NTN1: variants seen among roughly 807,000 people sequenced by gnomAD.
NTN1 encodes the protein netrin 1, also known as netrin-1.
In NTN1, 11 loss-of-function variants were observed where a neutral mutation model predicts 54.2. The ratio of observed to expected loss-of-function variants is 0.20; its 90% CI spans 0.13 to 0.34. The LOEUF (loss-of-function observed/expected upper bound fraction) is 0.34. Ranked by LOEUF, NTN1 falls within the 10% of genes least tolerant of loss-of-function variation. The pLI, the probability that NTN1 is intolerant of heterozygous loss-of-function variation, is 1.00. For missense variants in NTN1, 740 were observed against 893.1 expected (o/e 0.83, Z 2.18); for synonymous variants, 371 against 382.0 (o/e 0.97, Z 0.33).
intron 5 of NTN1, among the ~76,000 whole-genome samples, chr17:9,213,783 A>T (rs1244268097): frequency 6.6e-6 from 1 of 152,192 alleles, no homozygotes; most frequent in Non-Finnish European, 1.5e-5. Context: ...CTCTGAAACC[A>T]TCTCTATCCA....
rs939987040 is a variant in NTN1 at position 9,221,657 on chromosome 17, C to T, written c.1486+415C>T. 2.0e-5 allele frequency among the ~76,000 whole-genome samples: 3 copies of T among 152,212 alleles called. No individual in the cohort carries two copies. Among genetic ancestry groups the T allele is most frequent in the Middle Eastern group, 3.2e-3 (1 of 316 alleles). Reference sequence around the variant, plus strand: ...CATCAGACAAGGGCTGGGAGCTCCCCGGTGCATTTCCAGTGTTCCGCCAGG... The same window carrying T: ...CATCAGACAAGGGCTGGGAGCTCCCTGGTGCATTTCCAGTGTTCCGCCAGG... On this transcript the variant is annotated intron_variant, in intron 6 of 6. Coordinates refer to ENST00000173229, the MANE Select transcript of NTN1 (RefSeq NM_004822.3). This position sits in a 1 kb window ranked among gnomAD's most constrained non-coding sequence, Gnocchi z 4.5.
intron 5 of NTN1, among the ~76,000 whole-genome samples, chr17:9,204,913 GTGC>G (rs1192888263): frequency 6.8e-6 from 1 of 148,136 alleles, no homozygotes; most frequent in African/African-American, 2.5e-5. Context: ...CTTTCCATCA[GTGC>G]TGTCAACCCT....
chr17:9,159,658 G>A (rs912380419), intron 2 of NTN1, among the ~76,000 whole-genome samples: 24 of 152,000 alleles, frequency 1.6e-4, no homozygotes, highest in African/African-American at 4.6e-4. Flanking sequence ...AAAATTAGCC[G>A]GGTGTGGTGG....
chr17:9,182,384 C>G (rs2092421067), intron 4 of NTN1, among the ~76,000 whole-genome samples: 1 of 152,238 alleles, frequency 6.6e-6, no homozygotes, highest in Non-Finnish European at 1.5e-5. Context: ...AAGAAAATGC[C>G]TTAGCGCTTG....
intron 6 of NTN1, among the ~76,000 whole-genome samples, chr17:9,228,921 C>T (rs377687570): frequency 9.6e-4 from 76 of 78,834 alleles, no homozygotes; most frequent in African/African-American, 3.3e-3. Flanking sequence ...TGTGTGACTG[C>T]GTGTGTGACT....
the NTN1 span, among the ~76,000 whole-genome samples, chr17:9,007,266 CTT>C: frequency 2.1e-5 from 3 of 144,770 alleles, no homozygotes; most frequent in Non-Finnish European, 4.5e-5. Context: ...CTCTTTCTCT[CTT>C]TCTTTTCTTT....
At chr17:9,156,011 T>A (rs972919692) in intron 2 of NTN1, among the ~76,000 whole-genome samples, 4 of 152,118 alleles carry the variant, frequency 2.6e-5, no homozygotes, top group Non-Finnish European at 5.9e-5. Flanking sequence ...TGAGTAGGTC[T>A]CCTGGTCCTT....
intron 2 of NTN1, among the ~76,000 whole-genome samples, chr17:9,093,562 T>C (rs2092120755): frequency 6.6e-6 from 1 of 152,338 alleles, no homozygotes; most frequent in Non-Finnish European, 1.5e-5. Flanking sequence ...GGTATCTTGC[T>C]ATGTTGCCTA....
chr17:9,215,250 T>TACACAC (rs58245153), intron 5 of NTN1, among the ~76,000 whole-genome samples: 6,158 of 138,254 alleles, frequency 0.045, 383 homozygotes, highest in East Asian at 0.34. Flanking sequence ...GCTAGATAGA[T>TACACAC]ACACACACAC....
chr17:9,152,812 A>G (rs2142290373), intron 2 of NTN1, among the ~76,000 whole-genome samples: 1 of 152,268 alleles, frequency 6.6e-6, no homozygotes, highest in East Asian at 1.9e-4. Flanking sequence ...AGATGGGAGA[A>G]TGGGTTCAGA....
chr17:9,216,716 G>C (rs1406072247), intron 5 of NTN1, among the ~76,000 whole-genome samples: 1 of 152,198 alleles, frequency 6.6e-6, no homozygotes, highest in African/African-American at 2.4e-5. Context: ...TGCATTGCCT[G>C]ATTTTCTGAT....
rs918550850 is a variant in NTN1 at position 9,191,895 on chromosome 17, A to G, written c.1411+8926A>G. ...AAAAAAAAAAAAAAAAAAAAAATCCAGGGGTGTTGGCACATGCCTGTAGTC... is the reference window on the plus strand; with the variant it reads ...AAAAAAAAAAAAAAAAAAAAAATCCGGGGGTGTTGGCACATGCCTGTAGTC... On this transcript the variant is annotated intron_variant, in intron 5 of 6. Coordinates refer to ENST00000173229, the MANE Select transcript of NTN1 (RefSeq NM_004822.3). Among the ~76,000 whole-genome samples the G allele has an allele frequency of 2.2e-5, 3 of 135,208 alleles. No homozygotes were observed. The East Asian group carries it at 6.4e-4, about 29-fold the overall frequency. The allele number at this position is 135,208 out of a possible 152,430, so 88.7% of individuals were successfully genotyped here.
the NTN1 span, among the ~76,000 whole-genome samples, chr17:9,003,507 C>G: frequency 2.0e-5 from 3 of 150,150 alleles, no homozygotes. The surrounding 1 kb of genome is among the most constrained non-coding windows in gnomAD (Gnocchi z 7.4). Flanking sequence ...TTCCTGCCCG[C>G]CCGGGTCCTT....
chr17:9,021,538 G>C lies in NTN1; in HGVS notation c.-111G>C, dbSNP rs1205982002. 3.3e-5 allele frequency: 5 copies of C among 151,680 alleles called. No individual in the cohort carries two copies. The highest frequency in any genetic ancestry group is 7.3e-5 in the African/African-American group (3 of 41,288). 9.4% of individuals were successfully genotyped at this position (151,680 alleles called of 1,614,324 possible). The stretch of plus-strand genomic sequence containing the variant: ...CCCAGCGCGAGTGGCGGCGGCGGCG[G>C]AGCCTTCGGGGGCGAGCGCGCGTGT... On this transcript the variant is annotated 5_prime_UTR_variant, in exon 1 of 7. Coordinates refer to ENST00000173229, the MANE Select transcript of NTN1 (RefSeq NM_004822.3).
chr17:9,012,539 A>AC, the NTN1 span, among the ~76,000 whole-genome samples: 7 of 134,264 alleles, frequency 5.2e-5, no homozygotes. Flanking sequence ...AACAAAACAA[A>AC]AAAAAAAAAA....
chr17:9,046,685 G>T (rs1567697901), intron 2 of NTN1, among the ~76,000 whole-genome samples: 1 of 152,158 alleles, frequency 6.6e-6, no homozygotes, highest in Non-Finnish European at 1.5e-5. Context: ...TACTAGAGAG[G>T]CTCAGGCAGG....
Position 9,180,985 on chromosome 17 carries a change from A to G in NTN1, c.1357+1029A>G, listed in dbSNP as rs528343355. On this transcript the variant is annotated intron_variant, in intron 4 of 6. Transcript: ENST00000173229. ...TCTGGGGTTCGGAAAACATGGGGGGAAAGCTGAGGTCTCCCGTCAGGGAAT... is the reference window on the plus strand; with the variant it reads ...TCTGGGGTTCGGAAAACATGGGGGGGAAGCTGAGGTCTCCCGTCAGGGAAT... Among the ~76,000 whole-genome samples, 22 of 152,212 alleles carry G rather than the reference A, an allele frequency of 1.4e-4. 1 individual carries two copies. The highest frequency in any genetic ancestry group is 2.6e-4 in the Non-Finnish European group (18 of 68,018).
At chr17:9,133,179 A>G (rs2092271018) in intron 2 of NTN1, among the ~76,000 whole-genome samples, 1 of 152,102 alleles carries the variant, frequency 6.6e-6, no homozygotes, top group Non-Finnish European at 1.5e-5. Flanking sequence ...CTGACACTGC[A>G]TGTTGCCAGC....
intron 2 of NTN1, among the ~76,000 whole-genome samples, chr17:9,072,036 G>A (rs914946232): frequency 4.1e-4 from 63 of 152,212 alleles, no homozygotes; most frequent in African/African-American, 1.4e-3. Flanking sequence ...ACGCAGCCCC[G>A]AGAGTCGGGA....
Sources: gnomAD v4.1 joint callset for allele counts (sites outside exome capture counted in the v4.1 genomes callset) on GRCh38, gnomAD v4.1.1 for gene constraint, Gnocchi (gnomAD v3.1) non-coding constraint, MANE v1.5 for transcripts, NCBI Gene and HGNC (gene_info 2026-07-23, HGNC 2026-07-21) for gene names.